Variants in GSE1 observed in about 807,000 individuals in gnomAD.
GSE1 encodes Gse1 coiled-coil protein.
In GSE1, 32 loss-of-function variants were observed where a neutral mutation model predicts 112.6. The ratio of observed to expected loss-of-function variants is 0.28; its 90% confidence interval spans 0.21 to 0.38. GSE1 has a LOEUF of 0.38. Among genes scored for constraint, GSE1 ranks in the 10% least tolerant of loss-of-function variants. GSE1 has a pLI of 1.00. For synonymous variants in GSE1, 1,115 were observed against 735.6 expected (o/e 1.52, Z -8.35); for missense variants, 2,348 against 1,699.2 (o/e 1.38, Z -6.71).
chr16:85,576,388 A>G (rs1363884435), intron 1 of GSE1, among the ~76,000 whole-genome samples: 2 of 152,198 alleles, frequency 1.3e-5, no homozygotes, highest in Non-Finnish European at 2.9e-5. Context: ...TGAAATGAGC[A>G]TAGAGGTGGG....
chr16:85,603,460 A>G (rs1222875909), intron 1 of GSE1, among the ~76,000 whole-genome samples: 2 of 152,168 alleles, frequency 1.3e-5, no homozygotes, highest in Non-Finnish European at 2.9e-5. Context: ...CCTGCCCTGC[A>G]TCTGGCCTCT....
At chr16:85,478,927 C>CTTTCTTTCTTTTCTTTCTTTCTT (rs1285190496) in intron 2 of GSE1, among the ~76,000 whole-genome samples, 1 of 28,046 alleles carries the variant, frequency 3.6e-5, no homozygotes, top group African/African-American at 1.5e-4. Context: ...TTCTTTCTTT[C>CTTTCTTTCTTTTCTTTCTTTCTT]TCTTTCTTTC....
chr16:85,675,779 C>T lies in GSE1; in HGVS notation c.*3240C>T, dbSNP rs2053643769. The stretch of plus-strand genomic sequence containing the variant: ...TGGAGATGGTCAGCACAAACCGATT[C>T]TGTTCCTCTTTAAAGTGTATATTAG... On this transcript the variant is annotated 3_prime_UTR_variant, in exon 16 of 16. Coordinates refer to ENST00000253458, the MANE Select transcript of GSE1 (RefSeq NM_014615.5). 1 of 152,260 alleles carries T rather than the reference C, an allele frequency of 6.6e-6. No individual in the cohort carries two copies. The highest frequency in any genetic ancestry group is 2.4e-5 in the African/African-American group (1 of 41,466). 9.4% of individuals were successfully genotyped at this position (152,260 alleles called of 1,614,324 possible). A position where few individuals can be genotyped will look rare whatever the true frequency, so the allele number is the denominator to read the frequency against.
chr16:85,661,756 C>T lies in GSE1; in HGVS notation c.2251C>T (p.Gln751Ter). The change falls in exon 9 of 16, where the codon CAG becomes TAG. Residue 751 changes from glutamine (Q) to a stop codon, truncating the protein, a stop_gained. Coordinates refer to ENST00000253458, the MANE Select transcript of GSE1 (RefSeq NM_014615.5). LOFTEE classifies it high-confidence loss of function. ...GGAGGAGCGCAGGCGGCGGGAGGCC[C>T]AGGAGAAAGGTCTGCCTCCCCGCGG... ...DLEERRRREA[Q>*]EKGYYYDLDD... is the part of the protein sequence containing the mutation. The T allele has an allele frequency of 6.5e-7, 1 of 1,528,528 alleles. No homozygotes were observed. The highest frequency in any genetic ancestry group is 8.8e-7 in the Non-Finnish European group (1 of 1,134,302). The allele number at this position is 1,528,528 out of a possible 1,614,324, so 94.7% of individuals were successfully genotyped here.
intron 1 of GSE1, among the ~76,000 whole-genome samples, chr16:85,620,332 C>T (rs1451776337): frequency 1.3e-5 from 2 of 152,184 alleles, no homozygotes; most frequent in East Asian, 1.9e-4. Context: ...CACCCAGTCT[C>T]GGGATGTGAG....
chr16:85,657,466 A>T lies in GSE1; in HGVS notation c.1502A>T (p.Gln501Leu). The change falls in exon 8 of 16, where the codon CAG becomes CTG. Residue 501 changes from glutamine to leucine, a missense_variant. Transcript: ENST00000253458. ...GAGGAGGAGAAGTGGCTGGCGCGGCAGCGGCGGCTGCGGCAGGAGAAGGAG... is the reference window on the plus strand; with the variant it reads ...GAGGAGGAGAAGTGGCTGGCGCGGCTGCGGCGGCTGCGGCAGGAGAAGGAG... ...TNEEEKWLAR[Q>L]RRLRQEKEDR... The T allele has an allele frequency of 1.9e-5, 31 of 1,609,728 alleles. No individual in the cohort carries two copies. The highest frequency in any genetic ancestry group is 2.6e-5 in the Non-Finnish European group (31 of 1,178,616).
At chr16:85,289,757 T>A (rs1348478094) in intron 1 of GSE1, among the ~76,000 whole-genome samples, 1 of 152,176 alleles carries the variant, frequency 6.6e-6, no homozygotes, top group Non-Finnish European at 1.5e-5. Flanking sequence ...AGTCGCCCGA[T>A]GAGGAACCCA....
rs375059044 is a variant in GSE1 at position 85,672,561 on chromosome 16, G to A, written c.*22G>A. ...GTGACGGTTTCCCTTGCACTAGGCC[G>A]AACCTATAGTATAGAAATATTATCT... On this transcript the variant is annotated 3_prime_UTR_variant, in exon 16 of 16. Coordinates refer to ENST00000253458, the MANE Select transcript of GSE1 (RefSeq NM_014615.5). 139 of 1,543,226 alleles carry A rather than the reference G, an allele frequency of 9.0e-5. No homozygotes were observed. Among genetic ancestry groups the A allele is most frequent in the South Asian group, 2.7e-4 (23 of 86,240 alleles).
intron 1 of GSE1, among the ~76,000 whole-genome samples, chr16:85,584,161 G>A (rs551271451): frequency 6.2e-5 from 9 of 146,086 alleles, no homozygotes; most frequent in Non-Finnish European, 1.2e-4. Context: ...GCCGGTGCGT[G>A]GGCCCCTGTC....
chr16:85,655,077 A>G (rs1421936581), intron 5 of GSE1, 86 bp downstream of exon 5: 2 of 881,012 alleles, frequency 2.3e-6, no homozygotes, highest in African/African-American at 3.3e-5. Flanking sequence ...GTTTCTTATG[A>G]CCTGAGAGCC....
intron 3 of GSE1, among the ~76,000 whole-genome samples, chr16:85,650,474 G>A (rs929265819): frequency 1.3e-5 from 2 of 152,184 alleles, no homozygotes; most frequent in East Asian, 1.9e-4. Flanking sequence ...CCTTGACCCC[G>A]ACCAGAGCTC....
At chr16:85,461,467 C>CAG (rs140218378) in intron 2 of GSE1, among the ~76,000 whole-genome samples, 7,033 of 152,152 alleles carry the variant, frequency 0.046, 544 homozygotes, top group African/African-American at 0.16. Context: ...GGTCCATGCC[C>CAG]AGAGGTGTGA....
intron 2 of GSE1, among the ~76,000 whole-genome samples, chr16:85,476,284 G>C (rs1245860498): frequency 6.6e-6 from 1 of 152,202 alleles, no homozygotes; most frequent in East Asian, 1.9e-4. Context: ...CGGAGACCTG[G>C]GATGGCGCTC....
intron 1 of GSE1, among the ~76,000 whole-genome samples, chr16:85,248,137 C>CCTGCTGCTCA (rs1311827103): frequency 6.6e-6 from 1 of 152,164 alleles, no homozygotes; most frequent in Admixed American, 6.6e-5. Flanking sequence ...TGGGCAGGAC[C>CCTGCTGCTCA]CTGCTGCTCA....
At chr16:85,628,225 C>T (rs1487378936) in intron 1 of GSE1, among the ~76,000 whole-genome samples, 1 of 152,254 alleles carries the variant, frequency 6.6e-6, no homozygotes, top group Admixed American at 6.5e-5. Context: ...TTTTAGATTC[C>T]CCCTAATGAA....
intron 2 of GSE1, among the ~76,000 whole-genome samples, chr16:85,462,421 C>T (rs1023829017): frequency 2.0e-5 from 3 of 151,976 alleles, no homozygotes; most frequent in African/African-American, 7.2e-5. Flanking sequence ...CTTCCTTCTC[C>T]CCCTCCTCCC....
intron 3 of GSE1, among the ~76,000 whole-genome samples, chr16:85,650,108 C>G (rs1456127996): frequency 6.6e-6 from 1 of 152,220 alleles, no homozygotes; most frequent in African/African-American, 2.4e-5. Context: ...CGTAGTTTGA[C>G]TAATCCTCAT....
chr16:85,563,968 C>T (rs2045633161), intron 1 of GSE1, among the ~76,000 whole-genome samples: 1 of 152,262 alleles, frequency 6.6e-6, no homozygotes, highest in South Asian at 2.1e-4. Context: ...GACCAAGCCT[C>T]CCCTTCCCAA....
intron 1 of GSE1, among the ~76,000 whole-genome samples, chr16:85,220,219 C>T (rs2075368312): frequency 6.6e-6 from 1 of 152,248 alleles, no homozygotes; most frequent in Non-Finnish European, 1.5e-5. Flanking sequence ...AGAGCTCTTC[C>T]TGGTCCGCTT....
Sources: allele counts gnomAD v4.1 joint callset (sites outside exome capture counted in the v4.1 genomes callset), GRCh38; gene constraint gnomAD v4.1.1; transcripts MANE v1.5; gene names NCBI Gene and HGNC (gene_info 2026-07-23, HGNC 2026-07-21).